The following ATF1 variants were observed in gnomAD, a reference collection of about 807,000 sequenced individuals.
ATF1 encodes cyclic AMP-dependent transcription factor ATF-1.
In ATF1, 16 loss-of-function variants were observed where a neutral mutation model predicts 34.7. That is an observed-to-expected ratio of 0.46 (90% CI 0.31 to 0.70). The LOEUF is 0.70. Ranked by LOEUF, ATF1 falls within the 30% of genes least tolerant of loss-of-function variation. The pLI is 0.05. For synonymous variants in ATF1, 105 were observed against 113.1 expected (o/e 0.93, Z 0.46); for missense variants, 255 against 321.6 (o/e 0.79, Z 1.58).
At chr12:50,805,634 G>A (rs766153689) in intron 3 of ATF1, among the ~76,000 whole-genome samples, 1 of 150,650 alleles carries the variant, frequency 6.6e-6, no homozygotes, top group African/African-American at 2.4e-5. Flanking sequence ...GGTAGGGAAT[G>A]TCTATGTAGT....
intron 2 of ATF1, among the ~76,000 whole-genome samples, chr12:50,783,996 A>T (rs909003716): frequency 6.6e-6 from 1 of 151,994 alleles, no homozygotes; most frequent in Non-Finnish European, 1.5e-5. Context: ...CTCTGTCTCT[A>T]CTAAAAAATA....
intron 1 of ATF1, among the ~76,000 whole-genome samples, chr12:50,765,412 G>C (rs1214910995): frequency 6.6e-6 from 1 of 152,178 alleles, no homozygotes; most frequent in Admixed American, 6.5e-5. Flanking sequence ...GGTTAGGTTT[G>C]GTCTGTGAGC....
intron 2 of ATF1, among the ~76,000 whole-genome samples, chr12:50,783,910 A>G (rs931675633): frequency 1.5e-4 from 23 of 150,934 alleles, no homozygotes; most frequent in Admixed American, 7.3e-4. Flanking sequence ...GCTCACACCT[A>G]TAATCCCAGC....
Position 50,795,920 on chromosome 12 carries a change from A to G in ATF1, c.105A>G (p.Leu35=). ...CAGTTCTTTTTTAGGTATCATCTTT[A>G]TCAGAAAGTGAGGAGTCCCAGGACT... ...ISHIAQQVSS[L]SESEESQDSS... The change falls in exon 3 of 7, where the codon TTA becomes TTG. Residue 35 remains leucine (L), a synonymous_variant. Transcript: ENST00000262053. 1.2e-6 allele frequency: 2 copies of G among 1,612,150 alleles called. No individual in the cohort carries two copies. Among genetic ancestry groups the G allele is most frequent in the Non-Finnish European group, 1.7e-6 (2 of 1,179,232 alleles).
At chr12:50,796,072 C>T in intron 3 of ATF1, 63 bp downstream of exon 3, 1 of 1,366,650 alleles carries the variant, frequency 7.3e-7, no homozygotes, top group Admixed American at 2.2e-5. Context: ...TCAAGAGGTG[C>T]TGTGCAAAGT....
intron 3 of ATF1, among the ~76,000 whole-genome samples, chr12:50,808,368 C>T (rs1467712582): frequency 2.0e-5 from 3 of 151,914 alleles, no homozygotes; most frequent in Non-Finnish European, 2.9e-5. Flanking sequence ...CACTCTGTCG[C>T]CCAGGCTGGG....
chr12:50,772,391 G>A (rs4768919), intron 1 of ATF1, among the ~76,000 whole-genome samples: 148,352 of 149,872 alleles, frequency 0.99, 73,447 homozygotes, highest in East Asian at 1. Context: ...CAATGGCATG[G>A]TCTCGGCTCA....
intron 3 of ATF1, 106 bp from the exon 4 acceptor site, chr12:50,809,350 G>T: frequency 1.9e-6 from 2 of 1,030,482 alleles, no homozygotes; most frequent in South Asian, 3.5e-5. Flanking sequence ...CTCCAGCCTG[G>T]GTGACAAAGC....
Position 50,785,338 on chromosome 12 carries a change from CAG to C in ATF1, c.93+5102_93+5103del, listed in dbSNP as rs1565905878. 5.0e-5 allele frequency among the ~76,000 whole-genome samples: 5 copies of C among 100,482 alleles called. 1 individual carries two copies. Among genetic ancestry groups the C allele is most frequent in the African/African-American group, 1.8e-4 (5 of 27,492 alleles). 65.9% of individuals were successfully genotyped at this position (100,482 alleles called of 152,430 possible). On this transcript the variant is annotated intron_variant, in intron 2 of 6. Coordinates refer to ENST00000262053, the MANE Select transcript of ATF1 (RefSeq NM_005171.5). The stretch of plus-strand genomic sequence containing the variant: ...ACACACACACACACACACACACACA[CAG>C]ACGTATATATATAATTGCCATTTAT...
chr12:50,775,585 CGAG>C (rs1940899487), intron 1 of ATF1: 1 of 150,654 alleles, frequency 6.6e-6, no homozygotes, highest in East Asian at 1.9e-4. Flanking sequence ...TTTGTAGAGA[CGAG>C]GTCTTGCTAC....
At chr12:50,772,983 C>T (rs560967352) in intron 1 of ATF1, among the ~76,000 whole-genome samples, 1 of 152,184 alleles carries the variant, frequency 6.6e-6, no homozygotes, top group African/African-American at 2.4e-5. Context: ...CGTGTTCTCA[C>T]CATTCAGCTC....
intron 2 of ATF1, among the ~76,000 whole-genome samples, chr12:50,786,978 A>G (rs1941198232): frequency 6.6e-6 from 1 of 152,212 alleles, no homozygotes; most frequent in South Asian, 2.1e-4. Context: ...CCCCACCCTA[A>G]GCAGAAAGTC....
At chr12:50,812,666 A>T (rs1028983055) in intron 4 of ATF1, among the ~76,000 whole-genome samples, 3 of 152,078 alleles carry the variant, frequency 2.0e-5, no homozygotes, top group African/African-American at 7.2e-5. Context: ...TCTATAAAAA[A>T]TTTAAAAATT....
rs117062353 is a variant in ATF1, at chr12:50,800,810, T to C, written c.194+4801T>C. ...GGTTGGGAACTGCTGCTTTAAAATA[T>C]ATTTGATGGCTGGGCGCGGTGGCTC... On this transcript the variant is annotated intron_variant, in intron 3 of 6. Coordinates refer to ENST00000262053, the MANE Select transcript of ATF1 (RefSeq NM_005171.5). Among the ~76,000 whole-genome samples, 7 of 152,312 alleles carry C rather than the reference T, an allele frequency of 4.6e-5. No homozygotes were observed. The East Asian group carries it at 1.4e-3, about 29-fold the overall frequency.
At position 50,764,177 on chromosome 12, in the gene ATF1, G is replaced by T. The variant is rs1343727784; in HGVS notation, c.-137G>T. 6.6e-6 allele frequency: 1 copy of T among 150,498 alleles called. No homozygotes were observed. The highest frequency in any genetic ancestry group is 1.5e-5 in the Non-Finnish European group (1 of 67,620). The allele number at this position is 150,498 out of a possible 1,614,324, so 9.3% of individuals were successfully genotyped here. On this transcript the variant is annotated 5_prime_UTR_variant, in exon 1 of 7. Coordinates refer to ENST00000262053, the MANE Select transcript of ATF1 (RefSeq NM_005171.5). The stretch of plus-strand genomic sequence containing the variant: ...AAGTGACACTGATTCTCCCCGCCCC[G>T]CCTGACCCCCGAGAAGGAGGCTTGT...
At chr12:50,799,966 C>G (rs1354659715) in intron 3 of ATF1, among the ~76,000 whole-genome samples, 1 of 152,000 alleles carries the variant, frequency 6.6e-6, no homozygotes, top group Non-Finnish European at 1.5e-5. Context: ...TGAAAAATTA[C>G]CAAATTTGGT....
At chr12:50,818,352 A>G (rs947552982) in intron 6 of ATF1, among the ~76,000 whole-genome samples, 1 of 152,144 alleles carries the variant, frequency 6.6e-6, no homozygotes, top group Non-Finnish European at 1.5e-5. Flanking sequence ...CAAGGTTGCA[A>G]TGAGCTGTGA....
intron 3 of ATF1, among the ~76,000 whole-genome samples, chr12:50,801,099 A>G (rs1425521388): frequency 2.6e-5 from 4 of 152,222 alleles, no homozygotes; most frequent in Non-Finnish European, 5.9e-5. Flanking sequence ...TGTTTCAATC[A>G]ATCCATCAAT....
intron 1 of ATF1, among the ~76,000 whole-genome samples, chr12:50,767,298 C>G (rs998274894): frequency 1.3e-5 from 2 of 151,502 alleles, no homozygotes; most frequent in Non-Finnish European, 2.9e-5. Flanking sequence ...CTGGTGGATC[C>G]CCTGAGGTCA....
Sources: gnomAD v4.1 joint callset for allele counts (sites outside exome capture counted in the v4.1 genomes callset) on GRCh38, gnomAD v4.1.1 for gene constraint, MANE v1.5 for transcripts, NCBI Gene and HGNC (gene_info 2026-07-23, HGNC 2026-07-21) for gene names.